The following HSPG2 variants were observed in gnomAD, a reference collection of about 807,000 sequenced individuals.
The protein encoded by HSPG2 is heparan sulfate proteoglycan 2.
A neutral mutation model predicts 526.6 loss-of-function variants in HSPG2; 278 were observed. The ratio of observed to expected loss-of-function variants is 0.53; its 90% CI spans 0.48 to 0.58. The LOEUF (loss-of-function observed/expected upper bound fraction) is 0.58. Among genes scored for constraint, HSPG2 ranks in the 20% least tolerant of loss-of-function variants. The pLI is 0.00. For synonymous variants in HSPG2, 2,465 were observed against 2,555.4 expected, an observed-to-expected ratio of 0.96 and a Z score of 1.07; for missense variants, 5,354 against 6,099.5, an observed-to-expected ratio of 0.88 and a Z score of 4.07.
At chr1:21,927,553 C>A (rs1276014066) in intron 1 of HSPG2, among the ~76,000 whole-genome samples, 1 of 152,196 alleles carries the variant, frequency 6.6e-6, no homozygotes, top group Non-Finnish European at 1.5e-5. Context: ...CTGTCACTAC[C>A]CTCAGGATGC....
intron 1 of HSPG2, among the ~76,000 whole-genome samples, chr1:21,897,284 T>C (rs1194339143): frequency 6.6e-6 from 1 of 152,158 alleles, no homozygotes; most frequent in Non-Finnish European, 1.5e-5. Context: ...ATGCACAGAC[T>C]GGCAATGGCC....
At chr1:21,849,084 C>T (rs930281547) in intron 57 of HSPG2, 53 bp from the exon 58 acceptor site, 56 of 1,596,216 alleles carry the variant, frequency 3.5e-5, no homozygotes, top group Non-Finnish European at 4.4e-5. Flanking sequence ...CTGCGGCTCA[C>T]GCCAAGCTCC....
chr1:21,862,178 G>A (rs1399958904), intron 37 of HSPG2, 63 bp from the exon 38 acceptor site: 7 of 1,580,288 alleles, frequency 4.4e-6, no homozygotes, highest in African/African-American at 4.0e-5. Flanking sequence ...GCCTTTCAGG[G>A]TTGCAATCCC....
chr1:21,867,251 C>T (rs889088437), intron 33 of HSPG2, among the ~76,000 whole-genome samples: 4 of 151,600 alleles, frequency 2.6e-5, no homozygotes, highest in African/African-American at 9.7e-5. Flanking sequence ...CCACCATGCC[C>T]GGCCGATTTA....
In HSPG2 at chr1:21,850,067, C is replaced by T. The variant is rs761563926; in HGVS notation, c.7420G>A (p.Gly2474Arg). The change falls in exon 57 of 97, where the codon GGG (glycine) becomes AGG (arginine). Residue 2474 changes from glycine to arginine, a missense_variant. Coordinates refer to ENST00000374695, the MANE Select transcript of HSPG2 (RefSeq NM_005529.7). ...AHAQVTWHKR[G>R]GSLPARHQVH... ...TGGTGCCGGGCCGGGAGGCTGCCCC[C>T]GCGCTTGTGCCACGTGACCTGGGCA... 56 of 1,613,326 alleles carry T rather than the reference C, an allele frequency of 3.5e-5. 1 individual carries two copies. Among genetic ancestry groups the T allele is most frequent in the South Asian group, 1.8e-4 (16 of 91,088 alleles).
At chr1:21,918,234 G>A (rs1643934802) in intron 1 of HSPG2, among the ~76,000 whole-genome samples, 1 of 152,120 alleles carries the variant, frequency 6.6e-6, no homozygotes, top group Admixed American at 6.6e-5. Context: ...GGAGGCCGAG[G>A]CAGGCGGATC....
chr1:21,897,642 A>G (rs1353702334), intron 1 of HSPG2, among the ~76,000 whole-genome samples: 1 of 151,916 alleles, frequency 6.6e-6, no homozygotes, highest in Non-Finnish European at 1.5e-5. Flanking sequence ...ATCTGAAAGA[A>G]GCCAGACACA....
chr1:21,881,629 C>G (rs1641517445), intron 13 of HSPG2, 127 bp from the exon 14 acceptor site: 2 of 919,272 alleles, frequency 2.2e-6, no homozygotes, highest in Admixed American at 2.2e-5. Context: ...AAACTTTGAT[C>G]TCTCTTCCAA....
At chr1:21,844,614 T>C (rs1268529633) in intron 64 of HSPG2, among the ~76,000 whole-genome samples, 1 of 152,206 alleles carries the variant, frequency 6.6e-6, no homozygotes, top group East Asian at 1.9e-4. Flanking sequence ...TCAGATAGAA[T>C]GTGGCTAAGA....
intron 64 of HSPG2, among the ~76,000 whole-genome samples, 160 bp from the exon 65 acceptor site, chr1:21,844,459 G>A (rs185373796): frequency 1.3e-5 from 2 of 152,348 alleles, no homozygotes; most frequent in South Asian, 2.1e-4. Context: ...CCTGGGAGGT[G>A]GAGGCACTTC....
chr1:21,924,863 C>G (rs1320348049), intron 1 of HSPG2, among the ~76,000 whole-genome samples: 1 of 152,230 alleles, frequency 6.6e-6, no homozygotes, highest in African/African-American at 2.4e-5. Context: ...CTCTACCAGC[C>G]AAATCAGACT....
At chr1:21,889,690 T>C (rs1642207868) in intron 6 of HSPG2, 2 of 441,082 alleles carry the variant, frequency 4.5e-6, no homozygotes, top group Non-Finnish European at 4.2e-6. Context: ...TAAGTACTAA[T>C]GTGTTTTGGA....
chr1:21,931,354 C>T (rs781356587), intron 1 of HSPG2, among the ~76,000 whole-genome samples: 1 of 152,226 alleles, frequency 6.6e-6, no homozygotes, highest in Non-Finnish European at 1.5e-5. Context: ...GGCAGCTGGC[C>T]CCGGGAGCAG....
chr1:21,887,865 T>C lies in HSPG2; in HGVS notation c.703+73A>G. The C allele has an allele frequency of 1.2e-6, 2 of 1,608,970 alleles. No individual in the cohort carries two copies. Among genetic ancestry groups the C allele is most frequent in the Non-Finnish European group, 1.7e-6 (2 of 1,176,900 alleles). ...CAAACCCTCATAGTCCTTGATGGGC[T>C]CCAAGACCCAGGTGTAGGACCCTGG... On this transcript the variant is annotated intron_variant, in intron 7 of 96. Transcript: ENST00000374695. The surrounding 1 kb of genome is among the most constrained non-coding windows in gnomAD (Gnocchi z 5.0).
At position 21,887,391 on chromosome 1, in the gene HSPG2, C is replaced by T; in HGVS notation, c.958+29G>A. 8 of 1,613,926 alleles carry T rather than the reference C, an allele frequency of 5.0e-6. No individual in the cohort carries two copies. Among genetic ancestry groups the T allele is most frequent in the Non-Finnish European group, 6.8e-6 (8 of 1,179,932 alleles). Reference sequence around the variant, plus strand: ...TCCCGGGCCAGCTTCCTGCTCCCCGCACCCACCTGCACCCCTGCCGGTGCG... The same window carrying T: ...TCCCGGGCCAGCTTCCTGCTCCCCGTACCCACCTGCACCCCTGCCGGTGCG... On this transcript the variant is annotated intron_variant, in intron 8 of 96. Transcript: ENST00000374695. This position sits in a 1 kb window ranked among gnomAD's most constrained non-coding sequence, Gnocchi z 5.0.
rs2097963709 is a variant in HSPG2 at position 21,824,542 on chromosome 1, C to T, written c.12739G>A (p.Gly4247Ser). The T allele has an allele frequency of 1.2e-6, 2 of 1,613,548 alleles. No individual in the cohort carries two copies. Among genetic ancestry groups the T allele is most frequent in the African/African-American group, 1.3e-5 (1 of 75,050 alleles). The stretch of plus-strand genomic sequence containing the variant: ...AGCCGGATACCCACACTCACCACAC[C>T]CTGCCAGAGCAGGAGGCCACTGGCT... The part of the protein sequence containing the change: ...STASGLLLWQ[G>S]VEVGEAGQGK... The change falls in exon 93 of 97, where the codon GGT (glycine) becomes AGT (serine). Residue 4247 changes from glycine to serine, a missense_variant. By Grantham distance (56) the Gly-to-Ser change is moderately conservative (BLOSUM62 0). Coordinates refer to ENST00000374695, the MANE Select transcript of HSPG2 (RefSeq NM_005529.7). The surrounding 1 kb of genome is among the most constrained non-coding windows in gnomAD (Gnocchi z 5.9).
At chr1:21,825,152 A>C (rs2097966808) in intron 91 of HSPG2, 1 of 330,832 alleles carries the variant, frequency 3.0e-6, no homozygotes, top group South Asian at 2.9e-5. Flanking sequence ...TGTGGTAGCT[A>C]CTGAGATCAC....
At position 21,904,181 on chromosome 1, in the gene HSPG2, G is replaced by A. The variant is rs1348323347; in HGVS notation, c.64-7871C>T. ...GTGCTGAAGGGGAAGGAAGGGGGCC[G>A]GCAGAGCCCAGGGGAGGGTCCCCTC... On this transcript the variant is annotated intron_variant, in intron 1 of 96. Coordinates refer to ENST00000374695, the MANE Select transcript of HSPG2 (RefSeq NM_005529.7). This position sits in a 1 kb window ranked among gnomAD's most constrained non-coding sequence, Gnocchi z 4.4. Among the ~76,000 whole-genome samples the A allele has an allele frequency of 4.6e-5, 7 of 152,218 alleles. No individual in the cohort carries two copies. Among genetic ancestry groups the A allele is most frequent in the Admixed American group, 3.3e-4 (5 of 15,286 alleles).
intron 3 of HSPG2, among the ~76,000 whole-genome samples, chr1:21,894,132 T>C (rs972588480): frequency 2.7e-5 from 4 of 147,764 alleles, no homozygotes; most frequent in African/African-American, 1.0e-4. Context: ...GGAAAGAAAC[T>C]GGGGGAGGAG....
Sources: gnomAD v4.1 joint callset for allele counts (sites outside exome capture counted in the v4.1 genomes callset) on GRCh38, gnomAD v4.1.1 for gene constraint, Gnocchi (gnomAD v3.1) non-coding constraint, MANE v1.5 for transcripts, NCBI Gene and HGNC (gene_info 2026-07-23, HGNC 2026-07-21) for gene names.